TMEM178B: variants seen among roughly 807,000 people sequenced by gnomAD.
TMEM178B encodes the protein transmembrane protein 178B.
A neutral mutation model predicts 31.0 loss-of-function variants in TMEM178B; 5 were observed. That is an observed-to-expected ratio of 0.16 (90% CI 0.08 to 0.34). The LOEUF (loss-of-function observed/expected upper bound fraction) is 0.34. Among genes scored for constraint, TMEM178B ranks in the 10% least tolerant of loss-of-function variants. The pLI, the probability that TMEM178B is intolerant of heterozygous loss-of-function variation, is 1.00. For missense variants in TMEM178B, 275 were observed against 400.3 expected, an observed-to-expected ratio of 0.69 and a Z score of 2.67; for synonymous variants, 164 against 164.0, an observed-to-expected ratio of 1.00 and a Z score of 0.00.
intron 2 of TMEM178B, among the ~76,000 whole-genome samples, chr7:141,394,699 T>A (rs926256416): frequency 1.3e-5 from 2 of 152,214 alleles, no homozygotes; most frequent in Non-Finnish European, 2.9e-5. Context: ...TTCATGTGGA[T>A]CTATGGTATT....
chr7:141,361,975 C>T (rs1799925182), intron 2 of TMEM178B, among the ~76,000 whole-genome samples: 1 of 152,212 alleles, frequency 6.6e-6, no homozygotes, highest in Non-Finnish European at 1.5e-5. Context: ...CAAACTCACC[C>T]TTCTTGGAAA....
chr7:141,200,332 C>T (rs1383662878), intron 1 of TMEM178B, among the ~76,000 whole-genome samples: 1 of 150,616 alleles, frequency 6.6e-6, no homozygotes, highest in Non-Finnish European at 1.5e-5. Flanking sequence ...AGTGGGCTGT[C>T]CTGGTTGTAG....
Position 141,424,578 on chromosome 7 carries a change from C to T in TMEM178B, c.497-13030C>T, listed in dbSNP as rs141561146. Among the ~76,000 whole-genome samples the T allele has an allele frequency of 1.2e-4, 19 of 152,296 alleles. No homozygotes were observed. The East Asian group carries it at 3.5e-3, about 28-fold the overall frequency. ...TTGGAATTTTTTAAAAACAATAAAG[C>T]TCACATCTCTCAAATAACTCAAAAG... On this transcript the variant is annotated intron_variant, in intron 2 of 3. Transcript: ENST00000565468.
intron 2 of TMEM178B, among the ~76,000 whole-genome samples, chr7:141,295,233 A>C (rs1219504503): frequency 6.6e-6 from 1 of 152,162 alleles, no homozygotes; most frequent in East Asian, 1.9e-4. Flanking sequence ...AACACTGGCT[A>C]TGAGGGAGAT....
intron 3 of TMEM178B, among the ~76,000 whole-genome samples, chr7:141,462,981 G>A (rs1218957662): frequency 6.6e-6 from 1 of 152,084 alleles, no homozygotes; most frequent in African/African-American, 2.4e-5. Flanking sequence ...CCCCACCTCG[G>A]CCATGCCTTC....
chr7:141,319,668 A>G (rs886991647), intron 2 of TMEM178B, among the ~76,000 whole-genome samples: 2 of 152,276 alleles, frequency 1.3e-5, no homozygotes, highest in African/African-American at 4.8e-5. Context: ...CCTCCAGAGT[A>G]GCTGGATTAT....
rs1230925651 is a variant in TMEM178B, at chr7:141,475,473, AT to A, written c.*4692del. The A allele has an allele frequency of 6.6e-6, 1 of 152,164 alleles. No homozygotes were observed. The highest frequency in any genetic ancestry group is 6.5e-5 in the Admixed American group (1 of 15,282). 9.4% of individuals were successfully genotyped at this position (152,164 alleles called of 1,614,324 possible). ...AATAAAATACAAAAAAGACTACAAG[AT>A]TTTTCATAATCCAGTCACTCTGAGG... On this transcript the variant is annotated 3_prime_UTR_variant, in exon 4 of 4. Transcript: ENST00000565468.
intron 2 of TMEM178B, among the ~76,000 whole-genome samples, chr7:141,269,263 G>A (rs1175508040): frequency 6.6e-6 from 1 of 151,818 alleles, no homozygotes; most frequent in Non-Finnish European, 1.5e-5. Flanking sequence ...GCTAATTTTT[G>A]TATTTTTAGT....
At chr7:141,305,392 C>A (rs943903727) in intron 2 of TMEM178B, among the ~76,000 whole-genome samples, 3 of 152,134 alleles carry the variant, frequency 2.0e-5, no homozygotes, top group Non-Finnish European at 4.4e-5. Flanking sequence ...GTAGTCAATG[C>A]ACCACCTGCT....
At chr7:141,097,083 T>C (rs1017212620) in intron 1 of TMEM178B, among the ~76,000 whole-genome samples, 8 of 140,024 alleles carry the variant, frequency 5.7e-5, no homozygotes, top group Non-Finnish European at 1.2e-4. Context: ...GAGTGAGAAG[T>C]TGTCTCAAAA....
At chr7:141,385,071 A>G (rs1286024605) in intron 2 of TMEM178B, among the ~76,000 whole-genome samples, 1 of 152,226 alleles carries the variant, frequency 6.6e-6, no homozygotes, top group Admixed American at 6.5e-5. Context: ...GAAACCCAAA[A>G]CATTCTTCGC....
intron 2 of TMEM178B, among the ~76,000 whole-genome samples, chr7:141,233,198 G>T (rs1309735029): frequency 1.3e-5 from 2 of 152,208 alleles, no homozygotes; most frequent in Non-Finnish European, 2.9e-5. Context: ...TGCTGTGCTT[G>T]TCTATGCTAG....
chr7:141,450,603 C>T (rs941965128), intron 3 of TMEM178B, among the ~76,000 whole-genome samples: 2 of 152,082 alleles, frequency 1.3e-5, no homozygotes, highest in South Asian at 4.1e-4. Context: ...GGAAAGGGGG[C>T]CATTTATGTT....
intron 1 of TMEM178B, among the ~76,000 whole-genome samples, chr7:141,159,714 T>G (rs1244350293): frequency 1.3e-5 from 2 of 152,076 alleles, no homozygotes; most frequent in Non-Finnish European, 2.9e-5. Context: ...AGACAAATAC[T>G]GTAGGATTTC....
chr7:141,430,224 T>G (rs1188318639), intron 2 of TMEM178B: 4 of 152,202 alleles, frequency 2.6e-5, no homozygotes, highest in African/African-American at 9.7e-5. Context: ...CTTCCAGAAC[T>G]CTGCTTTCTC....
chr7:141,089,079 G>A (rs1158070514), intron 1 of TMEM178B, among the ~76,000 whole-genome samples: 1 of 152,168 alleles, frequency 6.6e-6, no homozygotes, highest in Non-Finnish European at 1.5e-5. Flanking sequence ...AGGTGAGTAG[G>A]AAATAGTTCC....
chr7:141,187,420 G>A (rs1188712421), intron 1 of TMEM178B, among the ~76,000 whole-genome samples: 2 of 151,890 alleles, frequency 1.3e-5, no homozygotes, highest in African/African-American at 2.4e-5. Context: ...ATGTGTCTTT[G>A]TAGCAGCATG....
At chr7:141,282,307 G>A (rs1798378678) in intron 2 of TMEM178B, among the ~76,000 whole-genome samples, 2 of 152,220 alleles carry the variant, frequency 1.3e-5, no homozygotes, top group African/African-American at 2.4e-5. Context: ...CTGTAACCCT[G>A]CCCTTGGGGA....
intron 2 of TMEM178B, among the ~76,000 whole-genome samples, chr7:141,311,279 G>A (rs1364256463): frequency 6.6e-6 from 1 of 152,180 alleles, no homozygotes; most frequent in African/African-American, 2.4e-5. Context: ...GGCACATCCT[G>A]CACATGTATC....
Sources: allele counts gnomAD v4.1 joint callset (sites outside exome capture counted in the v4.1 genomes callset), GRCh38; gene constraint gnomAD v4.1.1; transcripts MANE v1.5; gene names NCBI Gene and HGNC (gene_info 2026-07-23, HGNC 2026-07-21).